The following BBS2 variants were observed in gnomAD, a reference collection of about 807,000 sequenced individuals.
The protein encoded by BBS2 is Bardet-Biedl syndrome 2.
Under a neutral mutation model 83.0 loss-of-function variants are expected in BBS2, and 62 were observed. The ratio of observed to expected loss-of-function variants is 0.75; its 90% CI spans 0.61 to 0.92. BBS2 has a LOEUF of 0.92. BBS2 is among the 40% of genes least tolerant of loss of function. BBS2 has a pLI of 0.00. For missense variants in BBS2, 784 were observed against 901.0 expected, an observed-to-expected ratio of 0.87 and a Z score of 1.66; for synonymous variants, 303 against 326.1, an observed-to-expected ratio of 0.93 and a Z score of 0.76.
chr16:56,502,321 G>A lies in BBS2; in HGVS notation c.1076C>T (p.Ala359Val). 6.2e-7 allele frequency: 1 copy of A among 1,614,090 alleles called. No homozygotes were observed. Among genetic ancestry groups the A allele is most frequent in the Non-Finnish European group, 8.5e-7 (1 of 1,180,014 alleles). Residue 359 changes from alanine (A) to valine (V), a missense_variant, in exon 9 of 17, where the codon GCC becomes GTC. Coordinates refer to ENST00000245157, the MANE Select transcript of BBS2 (RefSeq NM_031885.5). ...LLELRNYEEN[A>V]KAELASPLNE... ...CACATTAGGACCTACACCTACCTTG[G>A]CATTTTCCTCATAGTTACGGAGTTC...
At chr16:56,475,669 A>G in intron 17 of BBS2, 2 of 899,302 alleles carry the variant, frequency 2.2e-6, no homozygotes. Flanking sequence ...TTTAGCTAAT[A>G]AATCTCTGCC....
intron 2 of BBS2, 90 bp downstream of exon 2, chr16:56,514,363 G>T: frequency 7.9e-7 from 1 of 1,270,674 alleles, no homozygotes; most frequent in Non-Finnish European, 1.1e-6. Flanking sequence ...ACAACAAACA[G>T]ACCAAAATAA....
At chr16:56,494,673 C>T (rs1311126328) in intron 15 of BBS2, among the ~76,000 whole-genome samples, 2 of 152,108 alleles carry the variant, frequency 1.3e-5, no homozygotes, top group Non-Finnish European at 2.9e-5. Flanking sequence ...GAAAATCTAG[C>T]CGTAAAAGGC....
chr16:56,496,511 T>C (rs1964120666), intron 15 of BBS2, among the ~76,000 whole-genome samples: 1 of 152,254 alleles, frequency 6.6e-6, no homozygotes, highest in African/African-American at 2.4e-5. Context: ...ATACATTTTA[T>C]AGTCTTTTAA....
chr16:56,510,574 T>C (rs781778932), intron 4 of BBS2, among the ~76,000 whole-genome samples: 3 of 152,250 alleles, frequency 2.0e-5, no homozygotes, highest in Admixed American at 6.5e-5. Context: ...GAGCAATTCA[T>C]AAGACCGTGA....
At chr16:56,470,931 C>G in intron 17 of BBS2, 1 of 810,784 alleles carries the variant, frequency 1.2e-6, no homozygotes, top group Non-Finnish European at 1.9e-6. Flanking sequence ...CAGACAAGGT[C>G]TCTGGTCTTT....
At chr16:56,498,652 C>A in intron 12 of BBS2, 84 bp from the exon 13 acceptor site, 1 of 1,595,388 alleles carries the variant, frequency 6.3e-7, no homozygotes, top group Non-Finnish European at 8.5e-7. Context: ...TATGAAGGTA[C>A]AGCCATTCTT....
intron 7 of BBS2, among the ~76,000 whole-genome samples, chr16:56,504,558 G>A (rs1335314669): frequency 6.6e-6 from 1 of 152,014 alleles, no homozygotes; most frequent in Admixed American, 6.5e-5. Flanking sequence ...TTTCCTTTTT[G>A]TATATTTCTG....
intron 17 of BBS2, chr16:56,476,344 C>T: frequency 1.5e-6 from 1 of 683,874 alleles, no homozygotes; most frequent in Non-Finnish European, 2.3e-6. Flanking sequence ...TTTACTAGGA[C>T]TCATAATGAT....
intron 17 of BBS2, chr16:56,475,543 T>A: frequency 6.2e-7 from 1 of 1,614,058 alleles, no homozygotes; most frequent in South Asian, 1.1e-5. Context: ...ACTTCTTACA[T>A]TGCCAAAGGT....
chr16:56,497,198 C>G, intron 14 of BBS2, 119 bp from the exon 15 acceptor site: 1 of 763,784 alleles, frequency 1.3e-6, no homozygotes, highest in Non-Finnish European at 2.4e-6. Context: ...TTCGCTTATA[C>G]CAATTAAGCT....
Position 56,500,962 on chromosome 16 carries a change from A to C in BBS2, c.1289T>G (p.Val430Gly), listed in dbSNP as rs1964253088. The C allele has an allele frequency of 6.2e-7, 1 of 1,614,038 alleles. No homozygotes were observed. Among genetic ancestry groups the C allele is most frequent in the Non-Finnish European group, 8.5e-7 (1 of 1,180,032 alleles). ...GGAGAGGTTGTGAATGCTGGGATGT[A>C]CCACGTGGCTTTCACCTGTAAAAAT... ...EGIFTGESHV[V>G]HPSIHNLSSS... Residue 430 changes from valine to glycine, a missense_variant, in exon 11 of 17, where the codon GTA (valine) becomes GGA (glycine). Val to Gly is a moderately radical substitution (Grantham distance 109). Coordinates refer to ENST00000245157, the MANE Select transcript of BBS2 (RefSeq NM_031885.5).
In BBS2 at chr16:56,484,448, C is replaced by T. The variant is rs1157468139; in HGVS notation, c.*313G>A. Reference sequence around the variant, plus strand: ...TATTTGAAAAGTACAAACTCAATTGCAATTTCAAGAAAAAAATATGTATTT... The same window carrying T: ...TATTTGAAAAGTACAAACTCAATTGTAATTTCAAGAAAAAAATATGTATTT... On this transcript the variant is annotated 3_prime_UTR_variant, in exon 17 of 17. Transcript: ENST00000245157. 1.9e-5 allele frequency: 4 copies of T among 206,960 alleles called. No individual in the cohort carries two copies. Among genetic ancestry groups the T allele is most frequent in the Non-Finnish European group, 4.0e-5 (4 of 100,726 alleles). The allele number at this position is 206,960 out of a possible 1,614,324, so 12.8% of individuals were successfully genotyped here.
At position 56,484,673 on chromosome 16, in the gene BBS2, G is replaced by C; in HGVS notation, c.*88C>G. Reference sequence around the variant, plus strand: ...GTTATTTTCATTCTTAGCACCCGGGGTTCACCAGGGTGTGATCCAAAGCAA... The same window carrying C: ...GTTATTTTCATTCTTAGCACCCGGGCTTCACCAGGGTGTGATCCAAAGCAA... On this transcript the variant is annotated 3_prime_UTR_variant, in exon 17 of 17. Coordinates refer to ENST00000245157, the MANE Select transcript of BBS2 (RefSeq NM_031885.5). The C allele has an allele frequency of 9.1e-7, 1 of 1,094,696 alleles. No individual in the cohort carries two copies. Among genetic ancestry groups the C allele is most frequent in the Non-Finnish European group, 1.4e-6 (1 of 721,212 alleles). 67.8% of individuals were successfully genotyped at this position (1,094,696 alleles called of 1,614,324 possible).
At chr16:56,505,818 T>C in intron 7 of BBS2, 132 bp downstream of exon 7, 1 of 724,060 alleles carries the variant, frequency 1.4e-6, no homozygotes, top group Non-Finnish European at 2.5e-6. Context: ...GATTATTAAG[T>C]TAAATGTAAA....
chr16:56,518,092 C>A (rs1171180082), intron 1 of BBS2, among the ~76,000 whole-genome samples: 1 of 152,176 alleles, frequency 6.6e-6, no homozygotes, highest in African/African-American at 2.4e-5. Context: ...GCTGGGATTA[C>A]AGGCATGAGT....
At chr16:56,485,484 T>C (rs1254307947) in intron 16 of BBS2, 106 bp downstream of exon 16, 2 of 1,424,946 alleles carry the variant, frequency 1.4e-6, no homozygotes, top group African/African-American at 1.4e-5. Context: ...GTGAAAGGTA[T>C]GCTACTTTCA....
rs1190474419 is a variant in BBS2, at chr16:56,486,748, CTTTTTTTTTTT to C, written c.1911-1021_1911-1011del. Among the ~76,000 whole-genome samples the C allele has an allele frequency of 9.4e-4, 79 of 84,222 alleles. 3 individuals carry two copies. In the South Asian group the frequency reaches 0.028, roughly 30 times the overall value. 55.3% of individuals were successfully genotyped at this position (84,222 alleles called of 152,430 possible). On this transcript the variant is annotated intron_variant, in intron 15 of 16. Coordinates refer to ENST00000245157, the MANE Select transcript of BBS2 (RefSeq NM_031885.5). ...CAGTCACAAGAGTGACAGAAATATT[CTTTTTTTTTTT>C]TTTTTTTTTTTTTGAGATGGAGTTT...
chr16:56,516,984 T>C (rs1964768697), intron 1 of BBS2, among the ~76,000 whole-genome samples: 1 of 151,562 alleles, frequency 6.6e-6, no homozygotes, highest in African/African-American at 2.4e-5. Context: ...AGGGATCTCC[T>C]TTATTTTATT....
Sources: gnomAD v4.1 joint callset for allele counts (sites outside exome capture counted in the v4.1 genomes callset) on GRCh38, gnomAD v4.1.1 for gene constraint, MANE v1.5 for transcripts, NCBI Gene and HGNC (gene_info 2026-07-23, HGNC 2026-07-21) for gene names.